Variants in MAML2 observed in about 807,000 individuals in gnomAD.
MAML2 encodes the protein mastermind like transcriptional coactivator 2.
Under a neutral mutation model 96.1 loss-of-function variants are expected in MAML2, and 22 were observed. The ratio of observed to expected loss-of-function variants is 0.23; its 90% CI spans 0.16 to 0.33. MAML2 has a LOEUF of 0.33. Among genes scored for constraint, MAML2 ranks in the 10% least tolerant of loss-of-function variants. MAML2 has a pLI of 1.00. For synonymous variants in MAML2, 561 were observed against 521.3 expected, an observed-to-expected ratio of 1.08 and a Z score of -1.04; for missense variants, 1,367 against 1,392.4, an observed-to-expected ratio of 0.98 and a Z score of 0.29.
intron 2 of MAML2, among the ~76,000 whole-genome samples, chr11:96,068,703 A>G (rs7934783): frequency 0.82 from 125,048 of 151,662 alleles, 52,204 homozygotes; most frequent in Non-Finnish European, 0.87. Context: ...GGTGGCAGGC[A>G]CCTGTAGTCC....
chr11:96,074,128 T>A (rs1859394065), intron 2 of MAML2, among the ~76,000 whole-genome samples: 1 of 152,162 alleles, frequency 6.6e-6, no homozygotes, highest in Admixed American at 6.5e-5. Flanking sequence ...AGCAAATCCA[T>A]GTCCGCTTCC....
At chr11:95,989,118 A>G (rs957523290) in intron 3 of MAML2, among the ~76,000 whole-genome samples, 3 of 152,318 alleles carry the variant, frequency 2.0e-5, no homozygotes, top group East Asian at 3.9e-4. Context: ...TTTGTGCTTC[A>G]TTGGTAGGAG....
chr11:96,291,119 T>C (rs997717462), intron 1 of MAML2, among the ~76,000 whole-genome samples: 2 of 84,616 alleles, frequency 2.4e-5, no homozygotes, highest in Non-Finnish European at 5.4e-5. Flanking sequence ...ACAAGCCTTT[T>C]TTTTTTTTTT....
intron 2 of MAML2, among the ~76,000 whole-genome samples, chr11:96,026,779 A>G (rs1858528425): frequency 6.6e-6 from 1 of 151,612 alleles, no homozygotes; most frequent in Non-Finnish European, 1.5e-5. Flanking sequence ...CAGTAGATAC[A>G]ACATGAGAAG....
intron 1 of MAML2, among the ~76,000 whole-genome samples, chr11:96,217,626 A>G (rs192768408): frequency 5.3e-5 from 8 of 152,354 alleles, no homozygotes; most frequent in African/African-American, 1.9e-4. Context: ...AGGACAGAGA[A>G]GCTTGTAGGA....
Position 96,295,937 on chromosome 11 carries a change from AACACACACAC to A in MAML2, c.513+45436_513+45445del, listed in dbSNP as rs56231526. ...AAATCCATTTCACATCAGAACAGTA[AACACACACAC>A]ACACACACACACACACACACACACA... On this transcript the variant is annotated intron_variant, in intron 1 of 4. Coordinates refer to ENST00000524717, the MANE Select transcript of MAML2 (RefSeq NM_032427.4). 7.8e-3 allele frequency among the ~76,000 whole-genome samples: 1,071 copies of A among 137,870 alleles called. 12 individuals carry two copies. The highest frequency in any genetic ancestry group is 0.016 in the South Asian group (63 of 4,012). The allele number at this position is 137,870 out of a possible 152,430, so 90.4% of individuals were successfully genotyped here. A position where few individuals can be genotyped will look rare whatever the true frequency, so the allele number is the denominator to read the frequency against.
chr11:96,093,773 T>C (rs1269007515), intron 1 of MAML2, among the ~76,000 whole-genome samples: 2 of 152,108 alleles, frequency 1.3e-5, no homozygotes, highest in Non-Finnish European at 2.9e-5. Flanking sequence ...TTCCCATGAG[T>C]GGTTCATAGG....
At chr11:96,013,084 A>C (rs1040270302) in intron 2 of MAML2, among the ~76,000 whole-genome samples, 14 of 152,140 alleles carry the variant, frequency 9.2e-5, no homozygotes, top group African/African-American at 3.4e-4. Flanking sequence ...GTTGCCTGTA[A>C]ACTGCTAGGA....
At chr11:96,099,508 A>G (rs1284641258) in intron 1 of MAML2, among the ~76,000 whole-genome samples, 1 of 152,176 alleles carries the variant, frequency 6.6e-6, no homozygotes, top group Admixed American at 6.5e-5. Flanking sequence ...GGTTTGCCCA[A>G]CCAGATTTTA....
chr11:96,178,479 C>T (rs541854534), intron 1 of MAML2, among the ~76,000 whole-genome samples: 4 of 152,118 alleles, frequency 2.6e-5, no homozygotes, highest in African/African-American at 4.8e-5. Context: ...TTAGGAATGA[C>T]CTTACTGTGC....
At chr11:96,255,457 AG>A (rs1360190440) in intron 1 of MAML2, among the ~76,000 whole-genome samples, 2 of 152,218 alleles carry the variant, frequency 1.3e-5, no homozygotes, top group Non-Finnish European at 1.5e-5. Context: ...AACACTGTTG[AG>A]GAAATCAACA....
chr11:95,990,662 T>C lies in MAML2; in HGVS notation c.2343+858A>G, dbSNP rs145263028. Among the ~76,000 whole-genome samples, 892 of 152,312 alleles carry C rather than the reference T, an allele frequency of 5.9e-3. 35 individuals are homozygous for C. The highest frequency in any genetic ancestry group is 0.051 in the Admixed American group (777 of 15,296). ...ATGGCTCTCCCCTCATTGCAAATTATTATTTACTGAATAATTATAGCACTT... is the reference window on the plus strand; with the variant it reads ...ATGGCTCTCCCCTCATTGCAAATTACTATTTACTGAATAATTATAGCACTT... On this transcript the variant is annotated intron_variant, in intron 3 of 4. Transcript: ENST00000524717.
At chr11:96,210,324 G>T (rs1861951738) in intron 1 of MAML2, among the ~76,000 whole-genome samples, 1 of 152,146 alleles carries the variant, frequency 6.6e-6, no homozygotes, top group Non-Finnish European at 1.5e-5. Flanking sequence ...GGCCAGGCTG[G>T]TCTGGAACTC....
intron 2 of MAML2, among the ~76,000 whole-genome samples, chr11:96,023,139 G>A (rs540358328): frequency 6.6e-6 from 1 of 152,302 alleles, no homozygotes; most frequent in East Asian, 1.9e-4. Flanking sequence ...GGCTGGAATG[G>A]ACGATCCCTG....
chr11:96,326,078 ACT>A (rs760719918), intron 1 of MAML2, among the ~76,000 whole-genome samples: 2 of 140,014 alleles, frequency 1.4e-5, no homozygotes, highest in African/African-American at 2.7e-5. Flanking sequence ...TTGTTTGTTT[ACT>A]CTCTGTCTAC....
intron 1 of MAML2, among the ~76,000 whole-genome samples, chr11:96,245,201 G>A (rs537880943): frequency 6.8e-4 from 99 of 145,988 alleles, no homozygotes; most frequent in Non-Finnish European, 1.2e-3. Context: ...AGTGCCTTCC[G>A]AACAGTCATC....
rs575598238 is a variant in MAML2, at chr11:96,071,156, T to C, written c.2139+20736A>G. Reference sequence around the variant, plus strand: ...GCATATATGCAGAATGGGACAAGAGTCAAAAGGAAACCAAGTTTTCAGGAG... The same window carrying C: ...GCATATATGCAGAATGGGACAAGAGCCAAAAGGAAACCAAGTTTTCAGGAG... On this transcript the variant is annotated intron_variant, in intron 2 of 4. Transcript: ENST00000524717. 2.0e-5 allele frequency among the ~76,000 whole-genome samples: 3 copies of C among 152,148 alleles called. No homozygotes were observed. In the East Asian group the frequency reaches 5.8e-4, roughly 29 times the overall value.
intron 1 of MAML2, among the ~76,000 whole-genome samples, chr11:96,165,489 A>G (rs1179946717): frequency 1.3e-5 from 2 of 152,058 alleles, no homozygotes; most frequent in Non-Finnish European, 2.9e-5. Flanking sequence ...GGCTTTTCCA[A>G]TTTTTCAGTT....
At chr11:95,997,737 A>T (rs758016502) in intron 2 of MAML2, among the ~76,000 whole-genome samples, 15 of 152,270 alleles carry the variant, frequency 9.9e-5, no homozygotes, top group Middle Eastern at 6.8e-3. Context: ...TCTGAGCTGT[A>T]CACAAGTGGT....
Sources: gnomAD v4.1 joint callset for allele counts (sites outside exome capture counted in the v4.1 genomes callset) on GRCh38, gnomAD v4.1.1 for gene constraint, MANE v1.5 for transcripts, NCBI Gene and HGNC (gene_info 2026-07-23, HGNC 2026-07-21) for gene names.